The following HMG20B variants were observed in gnomAD, a reference collection of about 807,000 sequenced individuals.
HMG20B encodes the protein SWI/SNF-related matrix-associated actin-dependent regulator of chromatin subfamily E member 1-related.
HMG20B carries 24 observed loss-of-function variants against 41.6 expected under a neutral mutation model. The ratio of observed to expected loss-of-function variants is 0.58; its 90% CI spans 0.42 to 0.81. The LOEUF (loss-of-function observed/expected upper bound fraction) is 0.81. HMG20B is among the 30% of genes least tolerant of loss of function. HMG20B has a pLI of 0.00. For missense variants in HMG20B, 461 were observed against 444.0 expected, an observed-to-expected ratio of 1.04 and a Z score of -0.34; for synonymous variants, 251 against 186.6, an observed-to-expected ratio of 1.34 and a Z score of -2.81.
chr19:3,576,161 A>T (rs917490427), intron 5 of HMG20B, 100 bp from the exon 6 acceptor site: 1 of 1,034,208 alleles, frequency 9.7e-7, no homozygotes, highest in Non-Finnish European at 1.5e-6. Context: ...GGGGCACTCA[A>T]GTGGGGAGCT....
rs111749354 is a variant in HMG20B, at chr19:3,573,368, C to A, written c.38+21C>A. On this transcript the variant is annotated intron_variant, in intron 2 of 9. Coordinates refer to ENST00000333651, the MANE Select transcript of HMG20B (RefSeq NM_006339.3). The stretch of plus-strand genomic sequence containing the variant: ...GCCGCGTGAGTGCACTGATCCCCTC[C>A]CCACGCCCTCGCTACTTTCCCGGCT... The A allele has an allele frequency of 1.4e-4, 214 of 1,518,554 alleles. 1 individual carries two copies. The African/African-American group carries it at 2.2e-3, about 16-fold the overall frequency. The allele number at this position is 1,518,554 out of a possible 1,614,324, so 94.1% of individuals were successfully genotyped here. A position where few individuals can be genotyped will look rare whatever the true frequency, so the allele number is the denominator to read the frequency against.
At chr19:3,577,193 T>TTCCCCCCTTCCCCC in intron 8 of HMG20B, 86 bp downstream of exon 8, 2 of 925,780 alleles carry the variant, frequency 2.2e-6, no homozygotes, top group South Asian at 1.8e-5. Flanking sequence ...CCCCTTCCCC[T>TTCCCCCCTTCCCCC]GTCGCCCGGC....
At position 3,574,372 on chromosome 19, in the gene HMG20B, C is replaced by G; in HGVS notation, c.148-11C>G. 5 of 1,572,242 alleles carry G rather than the reference C, an allele frequency of 3.2e-6. No homozygotes were observed. Among genetic ancestry groups the G allele is most frequent in the African/African-American group, 1.3e-5 (1 of 74,076 alleles). ...AGGCCCCCCTCCCAACGACGCAGCCCGGTTCTGCAGCCGGTGAAGAAACGC... is the reference window on the plus strand; with the variant it reads ...AGGCCCCCCTCCCAACGACGCAGCCGGGTTCTGCAGCCGGTGAAGAAACGC... On this transcript the variant is annotated splice_polypyrimidine_tract_variant and intron_variant, in intron 3 of 9. Transcript: ENST00000333651.
chr19:3,575,476 A>C (rs1428786895), intron 4 of HMG20B, 64 bp from the exon 5 acceptor site: 1 of 1,548,834 alleles, frequency 6.5e-7, no homozygotes, highest in East Asian at 2.4e-5. Flanking sequence ...AAGCAGAGTG[A>C]TAAAGACTGG....
chr19:3,577,955 G>T (rs757798051), intron 8 of HMG20B, 26 bp from the exon 9 acceptor site: 13 of 1,559,122 alleles, frequency 8.3e-6, no homozygotes, highest in Non-Finnish European at 1.0e-5. Flanking sequence ...CGGCACCCTC[G>T]CCTGACCTTC....
Position 3,578,870 on chromosome 19 carries a change from T to G in HMG20B, c.*349T>G, listed in dbSNP as rs2032234343. The G allele has an allele frequency of 7.1e-6, 4 of 564,672 alleles. No homozygotes were observed. Among genetic ancestry groups the G allele is most frequent in the South Asian group, 4.5e-5 (3 of 66,098 alleles). The allele number at this position is 564,672 out of a possible 1,614,324, so 35.0% of individuals were successfully genotyped here. ...CCAGCACACGGCAGGACCCCCCAAATTACTCACTACGGGGGGCTGTGCCAT... is the reference window on the plus strand; with the variant it reads ...CCAGCACACGGCAGGACCCCCCAAAGTACTCACTACGGGGGGCTGTGCCAT... On this transcript the variant is annotated 3_prime_UTR_variant, in exon 10 of 10. Coordinates refer to ENST00000333651, the MANE Select transcript of HMG20B (RefSeq NM_006339.3).
At position 3,574,487 on chromosome 19, in the gene HMG20B, G is replaced by T; in HGVS notation, c.252G>T (p.Arg84=). ...GCTACGTGCGCTTCCTGAACGAGCG[G>T]CGCGAGCAGATCCGCACGCGCCACC... ...VTGYVRFLNE[R]REQIRTRHPD... The change falls in exon 4 of 10, where the codon CGG becomes CGT. Residue 84 remains arginine, a synonymous_variant. Transcript: ENST00000333651. 1.2e-6 allele frequency: 2 copies of T among 1,608,094 alleles called. No individual in the cohort carries two copies.
intron 2 of HMG20B, 115 bp downstream of exon 2, chr19:3,573,462 G>A: frequency 8.5e-7 from 1 of 1,175,922 alleles, no homozygotes. Flanking sequence ...ACCTGGGTCA[G>A]GGGGCTTCTC....
chr19:3,577,954 C>CG, intron 8 of HMG20B, 27 bp from the exon 9 acceptor site: 1 of 1,559,536 alleles, frequency 6.4e-7, no homozygotes, highest in Middle Eastern at 1.8e-4. Context: ...CCGGCACCCT[C>CG]GCCTGACCTT....
intron 1 of HMG20B, 63 bp from the exon 2 acceptor site, chr19:3,573,229 A>G: frequency 7.3e-7 from 1 of 1,363,962 alleles, no homozygotes; most frequent in Non-Finnish European, 9.8e-7. Flanking sequence ...GGGGTACCCC[A>G]GTTCGCGGTC....
At chr19:3,574,311 C>T (rs2032109656) in intron 3 of HMG20B, 72 bp from the exon 4 acceptor site, 1 of 1,369,882 alleles carries the variant, frequency 7.3e-7, no homozygotes, top group Non-Finnish European at 1.0e-6. Flanking sequence ...GCGTTAGGCC[C>T]CGCCCATGCC....
At chr19:3,577,270 C>T (rs893833671) in intron 8 of HMG20B, 163 bp downstream of exon 8, 34 of 589,586 alleles carry the variant, frequency 5.8e-5, no homozygotes, top group African/African-American at 4.1e-4. Flanking sequence ...CCCTCATCAC[C>T]CCCAGCTCCG....
rs747118708 is a variant in HMG20B, at chr19:3,573,614, G to C, written c.39-78G>C. 6.8e-6 allele frequency: 9 copies of C among 1,319,336 alleles called. No individual in the cohort carries two copies. In the South Asian group the frequency reaches 1.5e-4, roughly 21 times the overall value. 81.7% of individuals were successfully genotyped at this position (1,319,336 alleles called of 1,614,324 possible). On this transcript the variant is annotated intron_variant, in intron 2 of 9. Transcript: ENST00000333651. ...TCTCGCTGCAGCCCCGCCGTCGGGG[G>C]TCAAAACGCCCTGGGGTGGGCTTTT... is the stretch of plus-strand genomic sequence containing the variant.
At position 3,576,600 on chromosome 19, in the gene HMG20B, T is replaced by A. The variant is rs370587589; in HGVS notation, c.567T>A (p.Thr189=). The change falls in exon 7 of 10, where the codon ACT becomes ACA. Residue 189 remains threonine, a synonymous_variant. Coordinates refer to ENST00000333651, the MANE Select transcript of HMG20B (RefSeq NM_006339.3). Reference sequence around the variant, plus strand: ...CCACCTTCGATGTTCCCATCTTCACTGAAGAGTTCTTGGACCAAAACAAAG... The same window carrying A: ...CCACCTTCGATGTTCCCATCTTCACAGAAGAGTTCTTGGACCAAAACAAAG... ...GFSTFDVPIF[T]EEFLDQNKAR... 1 of 1,613,564 alleles carries A rather than the reference T, an allele frequency of 6.2e-7. No individual in the cohort carries two copies. The highest frequency in any genetic ancestry group is 8.5e-7 in the Non-Finnish European group (1 of 1,179,730).
chr19:3,574,265 C>A, intron 3 of HMG20B, 118 bp from the exon 4 acceptor site: 1 of 948,700 alleles, frequency 1.1e-6, no homozygotes. Flanking sequence ...CGGGTTCTTC[C>A]TCCCAGCTAG....
Position 3,578,732 on chromosome 19 carries a change from G to T in HMG20B, c.*211G>T. 3 of 777,232 alleles carry T rather than the reference G, an allele frequency of 3.9e-6. No individual in the cohort carries two copies. The highest frequency in any genetic ancestry group is 6.8e-6 in the Non-Finnish European group (3 of 441,572). The allele number at this position is 777,232 out of a possible 1,614,324, so 48.1% of individuals were successfully genotyped here. On this transcript the variant is annotated 3_prime_UTR_variant, in exon 10 of 10. Coordinates refer to ENST00000333651, the MANE Select transcript of HMG20B (RefSeq NM_006339.3). ...TGAACCCGGAAAAAGCACTCGCTGC[G>T]CGATACACCCAGAAGAACCTCACAG...
rs2032178552 is a variant in HMG20B, at chr19:3,577,049, GC to G, written c.751del (p.Gln251SerfsTer193). Reference protein sequence around the residue: ...EERRTLALQQQLQAVRQALTA... With the variant: ...EERRTLALQQXLQAVRQALTA... Reference sequence around the variant, plus strand: ...AGCGGAGGACGCTGGCGCTGCAGCAGCAGCTCCAGGCCGTGCGCCAGGCGCT... The same window carrying G: ...AGCGGAGGACGCTGGCGCTGCAGCAGAGCTCCAGGCCGTGCGCCAGGCGCT... On this transcript the variant is annotated frameshift_variant, in exon 8 of 10. Coordinates refer to ENST00000333651, the MANE Select transcript of HMG20B (RefSeq NM_006339.3). LOFTEE classifies it high-confidence loss of function. 1 of 1,546,384 alleles carries G rather than the reference GC, an allele frequency of 6.5e-7. No individual in the cohort carries two copies.
intron 9 of HMG20B, 169 bp from the exon 10 acceptor site, chr19:3,578,340 C>A: frequency 8.5e-7 from 1 of 1,177,056 alleles, no homozygotes; most frequent in Non-Finnish European, 1.2e-6. Context: ...TTCCCTAAAG[C>A]TTCTCAGGGT....
In HMG20B at chr19:3,577,060, C is replaced by G. The variant is rs754700566; in HGVS notation, c.761C>G (p.Ala254Gly). 3 of 1,544,526 alleles carry G rather than the reference C, an allele frequency of 1.9e-6. No homozygotes were observed. The South Asian group carries it at 3.6e-5, about 18-fold the overall frequency. The part of the protein sequence containing the change: ...RTLALQQQLQ[A>G]VRQALTASFA... ...CTGGCGCTGCAGCAGCAGCTCCAGG[C>G]CGTGCGCCAGGCGCTCACCGCCAGC... The change falls in exon 8 of 10, where the codon GCC (alanine) becomes GGC (glycine). Residue 254 changes from alanine (A) to glycine (G), a missense_variant. By Grantham distance (60) the Ala-to-Gly change is moderately conservative (BLOSUM62 0). Transcript: ENST00000333651.
Sources: allele counts gnomAD v4.1 joint callset, GRCh38; gene constraint gnomAD v4.1.1; transcripts MANE v1.5; gene names NCBI Gene and HGNC (gene_info 2026-07-23, HGNC 2026-07-21).